LDB2: variants seen among roughly 807,000 people sequenced by gnomAD.
LDB2 encodes the protein LIM domain binding 2, also known as LIM domain-binding protein 2.
In LDB2, 12 loss-of-function variants were observed where a neutral mutation model predicts 44.3. The observed-to-expected ratio is 0.27, with a 90% CI of 0.17 to 0.44. The LOEUF is 0.44. LDB2 is among the 20% of genes least tolerant of loss of function. The probability of loss-of-function intolerance (pLI) is 1.00; values close to 1 mark genes in which losing one functional copy is unlikely to be tolerated. For missense variants in LDB2, 344 were observed against 473.5 expected, an observed-to-expected ratio of 0.73 and a Z score of 2.54; for synonymous variants, 164 against 174.8, an observed-to-expected ratio of 0.94 and a Z score of 0.49.
rs767537264 is a variant in LDB2, at chr4:16,511,974, G to T, written c.739+7C>A. The T allele has an allele frequency of 1.2e-6, 2 of 1,611,856 alleles. No homozygotes were observed. Among genetic ancestry groups the T allele is most frequent in the East Asian group, 2.2e-5 (1 of 44,820 alleles). On this transcript the variant is annotated splice_region_variant and intron_variant, in intron 6 of 7. Coordinates refer to ENST00000304523, the MANE Select transcript of LDB2 (RefSeq NM_001290.5). Reference sequence around the variant, plus strand: ...GTTTAGAGAGAGAGTGAAGAATGAGGGTGTACCTGGCGGAGCCACCATCCT... The same window carrying T: ...GTTTAGAGAGAGAGTGAAGAATGAGTGTGTACCTGGCGGAGCCACCATCCT...
chr4:16,570,725 G>T (rs1746210938), intron 5 of LDB2, among the ~76,000 whole-genome samples: 1 of 147,718 alleles, frequency 6.8e-6, no homozygotes, highest in Non-Finnish European at 1.5e-5. Context: ...ATAATAGGGA[G>T]CCAGTCATAA....
At chr4:16,832,005 T>C (rs766649359) in intron 1 of LDB2, among the ~76,000 whole-genome samples, 13 of 152,184 alleles carry the variant, frequency 8.5e-5, no homozygotes, top group Non-Finnish European at 1.5e-5. Flanking sequence ...TCCTGGTGCA[T>C]CTATAAAAGC....
At chr4:16,794,434 G>A (rs950101018) in intron 1 of LDB2, among the ~76,000 whole-genome samples, 5 of 152,092 alleles carry the variant, frequency 3.3e-5, no homozygotes, top group African/African-American at 1.2e-4. Context: ...AAAAATGCAC[G>A]TCTCATCTTC....
intron 1 of LDB2, among the ~76,000 whole-genome samples, chr4:16,830,633 G>A (rs537738359): frequency 6.6e-6 from 1 of 152,326 alleles, no homozygotes; most frequent in South Asian, 2.1e-4. Context: ...GAGTCATTAA[G>A]AGCAAGCATA....
chr4:16,641,701 C>T (rs1735209415), intron 2 of LDB2, among the ~76,000 whole-genome samples: 1 of 152,156 alleles, frequency 6.6e-6, no homozygotes, highest in Non-Finnish European at 1.5e-5. Flanking sequence ...GACCCAATCA[C>T]CTCCCACAAA....
At position 16,888,606 on chromosome 4, in the gene LDB2, G is replaced by A. The variant is rs1561546764; in HGVS notation, c.132+9748C>T. Reference sequence around the variant, plus strand: ...TTGTTTATTAAATTGAAATATGCTAGTGCAGGCATGTAAAAAGTATTTTTA... The same window carrying A: ...TTGTTTATTAAATTGAAATATGCTAATGCAGGCATGTAAAAAGTATTTTTA... On this transcript the variant is annotated intron_variant, in intron 1 of 7. Coordinates refer to ENST00000304523, the MANE Select transcript of LDB2 (RefSeq NM_001290.5). 1.3e-5 allele frequency: 6 copies of A among 475,182 alleles called. No individual in the cohort carries two copies. The East Asian group carries it at 9.2e-4, about 73-fold the overall frequency. 29.4% of individuals were successfully genotyped at this position (475,182 alleles called of 1,614,324 possible).
chr4:16,720,240 C>CTTT (rs1757966461), intron 2 of LDB2, among the ~76,000 whole-genome samples: 1 of 151,746 alleles, frequency 6.6e-6, no homozygotes, highest in Non-Finnish European at 1.5e-5. Flanking sequence ...GAAAGATTAT[C>CTTT]CTAGATAATG....
intron 2 of LDB2, among the ~76,000 whole-genome samples, chr4:16,697,304 A>AC (rs1162977578): frequency 4.1e-5 from 3 of 72,966 alleles, no homozygotes; most frequent in Admixed American, 2.7e-4. Flanking sequence ...CACACACACA[A>AC]ATTAGCCAGG....
chr4:16,889,634 G>A (rs954991225), intron 1 of LDB2, among the ~76,000 whole-genome samples: 1 of 152,108 alleles, frequency 6.6e-6, no homozygotes, highest in Non-Finnish European at 1.5e-5. Context: ...GCCAGTGCTG[G>A]AACAACTTAA....
chr4:16,521,509 C>T (rs1252642044), intron 5 of LDB2, among the ~76,000 whole-genome samples: 2 of 152,090 alleles, frequency 1.3e-5, no homozygotes, highest in African/African-American at 4.8e-5. Flanking sequence ...AGACTCTACT[C>T]CCAAATAAGG....
intron 2 of LDB2, among the ~76,000 whole-genome samples, chr4:16,673,557 T>C (rs914418667): frequency 6.6e-6 from 1 of 152,152 alleles, no homozygotes; most frequent in Non-Finnish European, 1.5e-5. Flanking sequence ...CCATCAGATT[T>C]GAGGAACTGT....
At chr4:16,524,382 G>C (rs1004760768) in intron 5 of LDB2, among the ~76,000 whole-genome samples, 1 of 152,192 alleles carries the variant, frequency 6.6e-6, no homozygotes, top group Non-Finnish European at 1.5e-5. Flanking sequence ...CGATATTTAA[G>C]TTGAGACATA....
intron 2 of LDB2, among the ~76,000 whole-genome samples, chr4:16,653,197 C>T (rs922413132): frequency 1.3e-5 from 2 of 152,160 alleles, no homozygotes; most frequent in African/African-American, 2.4e-5. Context: ...AACTAAGTCG[C>T]ATCAGCTGCT....
intron 1 of LDB2, among the ~76,000 whole-genome samples, chr4:16,863,183 G>C (rs1280389016): frequency 6.6e-6 from 1 of 152,206 alleles, no homozygotes; most frequent in East Asian, 1.9e-4. Context: ...TAAAGGGCAA[G>C]AGTTACAAAT....
At chr4:16,598,877 C>CTT (rs5856371) in intron 2 of LDB2, among the ~76,000 whole-genome samples, 2,324 of 143,768 alleles carry the variant, frequency 0.016, 42 homozygotes, top group South Asian at 0.051. Context: ...TTCTTTCTTT[C>CTT]TTTTTTTTTT....
chr4:16,834,782 G>A (rs917355715), intron 1 of LDB2, among the ~76,000 whole-genome samples: 11 of 151,542 alleles, frequency 7.3e-5, no homozygotes, highest in African/African-American at 2.4e-4. Flanking sequence ...AGCCGAGATT[G>A]TGCCACTGCA....
intron 5 of LDB2, among the ~76,000 whole-genome samples, chr4:16,573,773 G>T (rs2152405110): frequency 6.6e-6 from 1 of 152,276 alleles, no homozygotes; most frequent in African/African-American, 2.4e-5. Context: ...CTGGATTCCA[G>T]CCTACTGTGA....
chr4:16,810,345 C>T (rs1035070344), intron 1 of LDB2, among the ~76,000 whole-genome samples: 1 of 152,220 alleles, frequency 6.6e-6, no homozygotes, highest in African/African-American at 2.4e-5. Flanking sequence ...AACTCTACCT[C>T]ATTCCAGACA....
chr4:16,659,568 T>C (rs1275315426), intron 2 of LDB2, among the ~76,000 whole-genome samples: 3 of 147,538 alleles, frequency 2.0e-5, no homozygotes, highest in Admixed American at 6.6e-5. Context: ...GGAGGGAGTT[T>C]TGAACACTCC....
Sources: allele counts gnomAD v4.1 joint callset (sites outside exome capture counted in the v4.1 genomes callset), GRCh38; gene constraint gnomAD v4.1.1; transcripts MANE v1.5; gene names NCBI Gene and HGNC (gene_info 2026-07-23, HGNC 2026-07-21).